The following ST8SIA5 variants were observed in gnomAD, a reference collection of about 807,000 sequenced individuals.
ST8SIA5 encodes alpha-2,8-sialyltransferase 8E.
ST8SIA5 carries 24 observed loss-of-function variants against 40.2 expected under a neutral mutation model. That is an observed-to-expected ratio of 0.60 (90% CI 0.43 to 0.84). ST8SIA5 has a LOEUF of 0.84. Among genes scored for constraint, ST8SIA5 ranks in the 40% least tolerant of loss-of-function variants. The pLI is 0.00. For synonymous variants in ST8SIA5, 198 were observed against 201.8 expected, an observed-to-expected ratio of 0.98 and a Z score of 0.16; for missense variants, 465 against 498.5, an observed-to-expected ratio of 0.93 and a Z score of 0.64.
At chr18:46,739,288 T>C (rs903585984) in intron 1 of ST8SIA5, among the ~76,000 whole-genome samples, 2 of 152,164 alleles carry the variant, frequency 1.3e-5, no homozygotes, top group African/African-American at 2.4e-5. Context: ...ATGCCTGTAA[T>C]CCCAGCACTT....
intron 1 of ST8SIA5, among the ~76,000 whole-genome samples, chr18:46,754,822 G>A (rs1268675597): frequency 6.6e-6 from 1 of 152,270 alleles, no homozygotes; most frequent in Non-Finnish European, 1.5e-5. Flanking sequence ...GAGGTGCCGG[G>A]AGGGGGCAGG....
At chr18:46,741,800 A>C (rs1018065994) in intron 1 of ST8SIA5, among the ~76,000 whole-genome samples, 5 of 152,216 alleles carry the variant, frequency 3.3e-5, no homozygotes, top group African/African-American at 1.2e-4. Context: ...TTATAAAATT[A>C]ATATCTAAAT....
At chr18:46,698,596 A>T (rs1006028307) in intron 2 of ST8SIA5, among the ~76,000 whole-genome samples, 1 of 152,248 alleles carries the variant, frequency 6.6e-6, no homozygotes, top group African/African-American at 2.4e-5. Flanking sequence ...AAAGGGAAGA[A>T]TCCAGTCATT....
rs1402331785 is a variant in ST8SIA5 at position 46,686,267 on chromosome 18, G to T, written c.476C>A (p.Ser159Tyr). ...CACTACAGCACACTTCTTAAACTGG[G>T]ACCGGTAGTAGGGCATGTCCTGGGG... ...MFPKDMPYYR[S>Y]QFKKCAVVGN... Residue 159 changes from serine (S) to tyrosine (Y), a missense_variant, in exon 5 of 7, where the codon TCC becomes TAC. Physicochemically the swap from Ser to Tyr is moderately radical, Grantham distance 144. Coordinates refer to ENST00000315087, the MANE Select transcript of ST8SIA5 (RefSeq NM_013305.6). The T allele has an allele frequency of 6.2e-7, 1 of 1,614,094 alleles. No homozygotes were observed. The highest frequency in any genetic ancestry group is 8.5e-7 in the Non-Finnish European group (1 of 1,180,014).
At chr18:46,694,871 T>G (rs2039541549) in intron 2 of ST8SIA5, among the ~76,000 whole-genome samples, 1 of 151,752 alleles carries the variant, frequency 6.6e-6, no homozygotes, top group Admixed American at 6.6e-5. Context: ...TTAAAAACCC[T>G]TTTTAGGCCG....
At chr18:46,741,692 C>T (rs1374305770) in intron 1 of ST8SIA5, among the ~76,000 whole-genome samples, 1 of 152,074 alleles carries the variant, frequency 6.6e-6, no homozygotes, top group Non-Finnish European at 1.5e-5. Context: ...TGGGTTTACC[C>T]CTAAAATTAT....
chr18:46,719,011 T>C (rs947374319), intron 1 of ST8SIA5, among the ~76,000 whole-genome samples: 2 of 152,146 alleles, frequency 1.3e-5, no homozygotes, highest in African/African-American at 4.8e-5. Flanking sequence ...TAACCATTAT[T>C]TCCCACATGT....
chr18:46,746,004 C>T (rs1320063997), intron 1 of ST8SIA5, among the ~76,000 whole-genome samples: 2 of 152,268 alleles, frequency 1.3e-5, no homozygotes, highest in Non-Finnish European at 1.5e-5. Context: ...AGTCCTTCAA[C>T]AAAATTCAAC....
In ST8SIA5 at chr18:46,721,397, A is replaced by G. The variant is rs764471905; in HGVS notation, c.132-16733T>C. 2.0e-6 allele frequency: 3 copies of G among 1,535,928 alleles called. No homozygotes were observed. The African/African-American group carries it at 4.1e-5, about 21-fold the overall frequency. On this transcript the variant is annotated intron_variant, in intron 1 of 6. Coordinates refer to ENST00000315087, the MANE Select transcript of ST8SIA5 (RefSeq NM_013305.6). ...AGTCACTGCCGCTCTGCACTGCTGG[A>G]TCATCCGTGACATTAAAGAGCCCCG...
chr18:46,749,152 C>T (rs909447862), intron 1 of ST8SIA5, among the ~76,000 whole-genome samples: 5 of 152,148 alleles, frequency 3.3e-5, no homozygotes, highest in Non-Finnish European at 7.4e-5. Flanking sequence ...ATGCTCAAAA[C>T]GGGAAAATCT....
rs1034120376 is a variant in ST8SIA5, at chr18:46,741,275, A to G, written c.131+15103T>C. 4.6e-5 allele frequency among the ~76,000 whole-genome samples: 7 copies of G among 152,192 alleles called. No individual in the cohort carries two copies. In the East Asian group the frequency reaches 1.3e-3, roughly 29 times the overall value. ...TTGATTTCTTTTAATTTCTAGAAAAATATAATTTACCAAAATTGATTGAAG... is the reference window on the plus strand; with the variant it reads ...TTGATTTCTTTTAATTTCTAGAAAAGTATAATTTACCAAAATTGATTGAAG... On this transcript the variant is annotated intron_variant, in intron 1 of 6. Coordinates refer to ENST00000315087, the MANE Select transcript of ST8SIA5 (RefSeq NM_013305.6).
chr18:46,734,376 C>T (rs1259178313), intron 1 of ST8SIA5, among the ~76,000 whole-genome samples: 1 of 151,976 alleles, frequency 6.6e-6, no homozygotes, highest in Non-Finnish European at 1.5e-5. Context: ...GGAGAGACCC[C>T]CAACCCCTAG....
intron 1 of ST8SIA5, among the ~76,000 whole-genome samples, chr18:46,727,418 C>T (rs912043135): frequency 2.0e-5 from 3 of 152,152 alleles, no homozygotes; most frequent in East Asian, 1.9e-4. Flanking sequence ...GGGAAAGCTG[C>T]CCATGCTTCC....
chr18:46,682,195 T>C, intron 5 of ST8SIA5, 131 bp from the exon 6 acceptor site: 2 of 647,352 alleles, frequency 3.1e-6, no homozygotes, highest in Admixed American at 3.2e-5. Flanking sequence ...AGGCAGGTTC[T>C]CTGTAGCCAG....
In ST8SIA5 at chr18:46,668,824, C is replaced by G. The variant is rs537876872; in HGVS notation, c.*11218G>C. On this transcript the variant is annotated 3_prime_UTR_variant, in exon 7 of 7. Coordinates refer to ENST00000315087, the MANE Select transcript of ST8SIA5 (RefSeq NM_013305.6). ...GCAGAGGGACTTGCCCAGAAGCTAG[C>G]CACAGTGAGGGCCAGACGTCCCACT... 1.3e-5 allele frequency: 2 copies of G among 152,244 alleles called. No individual in the cohort carries two copies. Among genetic ancestry groups the G allele is most frequent in the African/African-American group, 4.8e-5 (2 of 41,452 alleles). The allele number at this position is 152,244 out of a possible 1,614,324, so 9.4% of individuals were successfully genotyped here.
chr18:46,750,669 C>CT (rs2040187239), intron 1 of ST8SIA5, among the ~76,000 whole-genome samples: 1 of 152,164 alleles, frequency 6.6e-6, no homozygotes, highest in South Asian at 2.1e-4. Context: ...CACTCTCACT[C>CT]TGACGCCCTC....
At chr18:46,735,547 G>T (rs2040025663) in intron 1 of ST8SIA5, among the ~76,000 whole-genome samples, 1 of 152,168 alleles carries the variant, frequency 6.6e-6, no homozygotes, top group Non-Finnish European at 1.5e-5. Context: ...TGCAAAATTG[G>T]TGAAATGAGA....
At chr18:46,748,244 AT>A (rs74172039) in intron 1 of ST8SIA5, among the ~76,000 whole-genome samples, 1,896 of 146,402 alleles carry the variant, frequency 0.013, 17 homozygotes, top group African/African-American at 0.027. Context: ...AAATTAATTA[AT>A]TTAAAAAAAT....
rs1282392082 is a variant in ST8SIA5, at chr18:46,671,987, C to G, written c.*8055G>C. On this transcript the variant is annotated 3_prime_UTR_variant, in exon 7 of 7. Transcript: ENST00000315087. ...TTAGAGATGCTCCACCCTGGCCTCACCAAATAACTCTGGGGCGGGGCCCAT... is the reference window on the plus strand; with the variant it reads ...TTAGAGATGCTCCACCCTGGCCTCAGCAAATAACTCTGGGGCGGGGCCCAT... 6.6e-6 allele frequency: 1 copy of G among 152,258 alleles called. No homozygotes were observed. The highest frequency in any genetic ancestry group is 6.5e-5 in the Admixed American group (1 of 15,290). 9.4% of individuals were successfully genotyped at this position (152,258 alleles called of 1,614,324 possible).
Sources: gnomAD v4.1 joint callset for allele counts (sites outside exome capture counted in the v4.1 genomes callset) on GRCh38, gnomAD v4.1.1 for gene constraint, MANE v1.5 for transcripts, NCBI Gene and HGNC (gene_info 2026-07-23, HGNC 2026-07-21) for gene names.